DLGAP2: variants seen among roughly 807,000 people sequenced by gnomAD.
The protein encoded by DLGAP2 is DLG associated protein 2.
DLGAP2 carries 26 observed loss-of-function variants against 100.3 expected under a neutral mutation model. The observed-to-expected ratio is 0.26, with a 90% CI of 0.19 to 0.36. DLGAP2 has a LOEUF of 0.36. DLGAP2 is among the 10% of genes least tolerant of loss of function. The pLI is 1.00. For synonymous variants in DLGAP2, 886 were observed against 630.1 expected (o/e 1.41, Z -6.08); for missense variants, 1,858 against 1,453.2 (o/e 1.28, Z -4.53).
chr8:854,542 A>G (rs138022748), intron 1 of DLGAP2, among the ~76,000 whole-genome samples: 1 of 151,580 alleles, frequency 6.6e-6, no homozygotes, highest in Non-Finnish European at 1.5e-5. Flanking sequence ...CCGGACTGAC[A>G]TGTGTGTTCA....
chr8:787,236 C>T (rs1042814706), intron 1 of DLGAP2, among the ~76,000 whole-genome samples: 17 of 152,112 alleles, frequency 1.1e-4, no homozygotes, highest in African/African-American at 3.4e-4. Flanking sequence ...CTCAATCGCT[C>T]GTGTTCGAAC....
chr8:1,478,512 T>A (rs1219908982), intron 3 of DLGAP2, among the ~76,000 whole-genome samples: 1 of 152,262 alleles, frequency 6.6e-6, no homozygotes, highest in African/African-American at 2.4e-5. Context: ...AAGGCCCTCC[T>A]TTCTCTATTC....
chr8:1,503,243 C>T (rs1799786770), intron 4 of DLGAP2, among the ~76,000 whole-genome samples: 1 of 152,124 alleles, frequency 6.6e-6, no homozygotes. Flanking sequence ...AGAACTTTTT[C>T]CTCTTCTGCA....
chr8:1,508,299 CCCTGCAAACG>C (rs199789783), intron 4 of DLGAP2, among the ~76,000 whole-genome samples: 7 of 126,872 alleles, frequency 5.5e-5, no homozygotes, highest in African/African-American at 9.5e-5. Flanking sequence ...CCCCGCCACC[CCCTGCAAACG>C]CCCACCACCC....
chr8:776,956 A>C (rs979094538), intron 1 of DLGAP2, among the ~76,000 whole-genome samples: 10 of 152,088 alleles, frequency 6.6e-5, no homozygotes, highest in African/African-American at 2.4e-4. Context: ...GGGGTGTTAA[A>C]ATCTCCCATT....
intron 2 of DLGAP2, among the ~76,000 whole-genome samples, chr8:1,001,771 TCC>T (rs969539528): frequency 6.6e-6 from 1 of 152,016 alleles, no homozygotes; most frequent in African/African-American, 2.4e-5. Context: ...CTTCCTCCAC[TCC>T]CCCAAATTTC....
chr8:1,449,052 C>G (rs1295461940), intron 3 of DLGAP2, among the ~76,000 whole-genome samples: 1 of 152,224 alleles, frequency 6.6e-6, no homozygotes, highest in Non-Finnish European at 1.5e-5. Context: ...AGGGACGGCA[C>G]ATCCCGGCCC....
chr8:1,190,397 CGGGGCATCTGCTGTT>C (rs140079566), intron 2 of DLGAP2, among the ~76,000 whole-genome samples: 76,056 of 150,736 alleles, frequency 0.5, 19,419 homozygotes, highest in Non-Finnish European at 0.53. Context: ...GAGTCAGGGT[CGGGGCATCTGCTGTT>C]GGGGCATCTG....
At chr8:956,253 C>T (rs1194319958) in intron 2 of DLGAP2, among the ~76,000 whole-genome samples, 1 of 152,240 alleles carries the variant, frequency 6.6e-6, no homozygotes, top group African/African-American at 2.4e-5. Context: ...TGCACAGCGT[C>T]TGAAGACTTG....
intron 1 of DLGAP2, among the ~76,000 whole-genome samples, chr8:780,438 G>A (rs1448832124): frequency 6.6e-6 from 1 of 152,228 alleles, no homozygotes; most frequent in African/African-American, 2.4e-5. Flanking sequence ...AGTAGTGACT[G>A]TGCAGTGACC....
intron 5 of DLGAP2, among the ~76,000 whole-genome samples, chr8:1,556,646 C>T (rs2956894): frequency 0.39 from 58,787 of 152,026 alleles, 11,775 homozygotes; most frequent in Middle Eastern, 0.56. Context: ...GGCCGGTGAA[C>T]TGCAATTTAA....
chr8:838,414 A>G (rs1796921884), intron 1 of DLGAP2, among the ~76,000 whole-genome samples: 1 of 151,634 alleles, frequency 6.6e-6, no homozygotes, highest in African/African-American at 2.4e-5. Flanking sequence ...ATTTTATTTT[A>G]TTTTAATTTT....
chr8:984,600 C>G (rs1384267857), intron 2 of DLGAP2, among the ~76,000 whole-genome samples: 1 of 151,980 alleles, frequency 6.6e-6, no homozygotes, highest in Non-Finnish European at 1.5e-5. Context: ...GTAAGAACAG[C>G]TCTTGACACA....
At chr8:976,871 G>T (rs1429272191) in intron 2 of DLGAP2, among the ~76,000 whole-genome samples, 2 of 152,180 alleles carry the variant, frequency 1.3e-5, no homozygotes, top group Non-Finnish European at 2.9e-5. Context: ...GGTAACTGTA[G>T]ATTTAGTGAT....
intron 4 of DLGAP2, among the ~76,000 whole-genome samples, chr8:1,537,998 G>C (rs1801215248): frequency 6.6e-6 from 1 of 152,158 alleles, no homozygotes; most frequent in Non-Finnish European, 1.5e-5. Context: ...GGAACAGAGA[G>C]CTGCTGTCCA....
intron 2 of DLGAP2, among the ~76,000 whole-genome samples, chr8:1,030,906 G>A (rs1801953306): frequency 6.6e-6 from 1 of 152,258 alleles, no homozygotes; most frequent in Non-Finnish European, 1.5e-5. Context: ...CCCGAGGTCA[G>A]TTCTGAGAAG....
At chr8:943,319 C>T (rs564267921) in intron 2 of DLGAP2, among the ~76,000 whole-genome samples, 11 of 152,118 alleles carry the variant, frequency 7.2e-5, no homozygotes, top group Non-Finnish European at 1.2e-4. Flanking sequence ...AATCATACGG[C>T]GAGATTTTAC....
chr8:1,407,412 C>A (rs1333844517), intron 3 of DLGAP2, among the ~76,000 whole-genome samples: 9 of 126,298 alleles, frequency 7.1e-5, no homozygotes, highest in African/African-American at 2.4e-4. Context: ...TTACTGAGCG[C>A]CACCTCCTTG....
intron 8 of DLGAP2, among the ~76,000 whole-genome samples, chr8:1,659,764 A>G (rs926638647): frequency 1.3e-5 from 2 of 152,300 alleles, no homozygotes; most frequent in African/African-American, 2.4e-5. Context: ...TCTCCTGAAT[A>G]TAGCACACTG....
Sources: allele counts gnomAD v4.1 joint callset (sites outside exome capture counted in the v4.1 genomes callset), GRCh38; gene constraint gnomAD v4.1.1; transcripts MANE v1.5; gene names NCBI Gene and HGNC (gene_info 2026-07-23, HGNC 2026-07-21).